The following DGKH variants were observed in gnomAD, a reference collection of about 807,000 sequenced individuals.
The protein encoded by DGKH is DAG kinase eta.
A neutral mutation model predicts 159.3 loss-of-function variants in DGKH; 90 were observed. That is an observed-to-expected ratio of 0.57 (90% CI 0.48 to 0.67). DGKH has a LOEUF of 0.67. Among genes scored for constraint, DGKH ranks in the 30% least tolerant of loss-of-function variants. DGKH has a pLI of 0.00. For missense variants in DGKH, 1,181 were observed against 1,506.1 expected, an observed-to-expected ratio of 0.78 and a Z score of 3.57; for synonymous variants, 536 against 553.8, an observed-to-expected ratio of 0.97 and a Z score of 0.45.
intron 1 of DGKH, among the ~76,000 whole-genome samples, chr13:42,077,192 G>A (rs566913540): frequency 6.6e-6 from 1 of 152,228 alleles, no homozygotes; most frequent in South Asian, 2.1e-4. Flanking sequence ...AGACTGGATA[G>A]TGTATAAAAA....
Position 42,219,640 on chromosome 13 carries a change from C to T in DGKH, c.3334-46C>T, listed in dbSNP as rs1416976145. On this transcript the variant is annotated intron_variant, in intron 27 of 29. Transcript: ENST00000337343. ...CCCTATTATCAGAGTAGGTTTTTCT[C>T]CTTTTCATATCCTGAAAAAATTATT... is the stretch of plus-strand genomic sequence containing the variant. 6.1e-6 allele frequency: 9 copies of T among 1,483,676 alleles called. No individual in the cohort carries two copies. In the South Asian group the frequency reaches 1.1e-4, roughly 18 times the overall value. 91.9% of individuals were successfully genotyped at this position (1,483,676 alleles called of 1,614,324 possible).
At chr13:42,091,480 A>C (rs918264556) in intron 1 of DGKH, among the ~76,000 whole-genome samples, 1 of 152,204 alleles carries the variant, frequency 6.6e-6, no homozygotes. Context: ...CAAACAACCC[A>C]ATTAAAAAAA....
At position 42,236,333 on chromosome 13, in the gene DGKH, A is replaced by G. The variant is rs189431386; in HGVS notation, c.*7145A>G. The G allele has an allele frequency of 6.6e-6, 1 of 152,334 alleles. No individual in the cohort carries two copies. Among genetic ancestry groups the G allele is most frequent in the Non-Finnish European group, 1.5e-5 (1 of 68,022 alleles). The allele number at this position is 152,334 out of a possible 1,614,324, so 9.4% of individuals were successfully genotyped here. A position where few individuals can be genotyped will look rare whatever the true frequency, so the allele number is the denominator to read the frequency against. ...CTCATTTCTGTCAAACAGATGCCCA[A>G]CTATTTTCCTTTTAAAAAACTGTAT... On this transcript the variant is annotated 3_prime_UTR_variant, in exon 30 of 30. Coordinates refer to ENST00000337343, the MANE Select transcript of DGKH (RefSeq NM_178009.5).
intron 3 of DGKH, among the ~76,000 whole-genome samples, chr13:42,142,725 G>A (rs1955600712): frequency 6.6e-6 from 1 of 152,134 alleles, no homozygotes; most frequent in Admixed American, 6.5e-5. Flanking sequence ...AAGAATGCTT[G>A]TGATTTTTGC....
At chr13:42,068,993 T>C (rs1882777678) in intron 1 of DGKH, 5 of 1,477,826 alleles carry the variant, frequency 3.4e-6, no homozygotes, top group South Asian at 2.3e-5. Flanking sequence ...GAAGATTTCA[T>C]AGCAGAAGCT....
At chr13:42,191,873 T>A (rs1434107904) in intron 16 of DGKH, among the ~76,000 whole-genome samples, 3 of 152,140 alleles carry the variant, frequency 2.0e-5, no homozygotes, top group Non-Finnish European at 2.9e-5. Flanking sequence ...TCTCAAAAAA[T>A]TTTAAAAAAT....
rs1013730041 is a variant in DGKH at position 42,237,221 on chromosome 13, A to C, written c.*8033A>C. 3.9e-5 allele frequency: 6 copies of C among 152,340 alleles called. No homozygotes were observed. The highest frequency in any genetic ancestry group is 1.4e-4 in the African/African-American group (6 of 41,582). 9.4% of individuals were successfully genotyped at this position (152,340 alleles called of 1,614,324 possible). ...AATGTGAAGCAGGGGTTTACCAAAG[A>C]AAATTGCTTTAATAAGCCCTAACTT... On this transcript the variant is annotated 3_prime_UTR_variant, in exon 30 of 30. Coordinates refer to ENST00000337343, the MANE Select transcript of DGKH (RefSeq NM_178009.5).
chr13:42,246,677 C>A (rs868474924), downstream of DGKH, among the ~76,000 whole-genome samples: 30 of 152,034 alleles, frequency 2.0e-4, no homozygotes, highest in African/African-American at 7.0e-4. Flanking sequence ...AAAGGCAGCA[C>A]AAGAATACAG....
chr13:42,215,547 A>T, intron 25 of DGKH, 28 bp from the exon 26 acceptor site: 1 of 1,533,182 alleles, frequency 6.5e-7, no homozygotes, highest in Non-Finnish European at 9.0e-7. Flanking sequence ...AATACAGATC[A>T]CATGTCTTTG....
intron 3 of DGKH, among the ~76,000 whole-genome samples, chr13:42,136,091 G>C (rs1291963354): frequency 6.6e-6 from 1 of 152,170 alleles, no homozygotes; most frequent in Non-Finnish European, 1.5e-5. Context: ...AGAATAACAA[G>C]AGTACCTACC....
intron 3 of DGKH, among the ~76,000 whole-genome samples, chr13:42,136,277 A>G (rs1955401451): frequency 6.6e-6 from 1 of 152,230 alleles, no homozygotes; most frequent in African/African-American, 2.4e-5. Context: ...CTTTATCTTG[A>G]GAAAACATTC....
downstream of DGKH, among the ~76,000 whole-genome samples, chr13:42,243,455 G>T (rs551203957): frequency 2.0e-5 from 3 of 152,122 alleles, no homozygotes; most frequent in South Asian, 4.1e-4. Context: ...AAAACCACTC[G>T]TTAAAAGTCC....
intron 24 of DGKH, 114 bp from the exon 25 acceptor site, chr13:42,214,393 C>T: frequency 1.1e-6 from 1 of 938,236 alleles, no homozygotes; most frequent in Non-Finnish European, 1.6e-6. Context: ...AGTGTTCTTC[C>T]ATACTGATCT....
At chr13:42,166,774 C>A in intron 9 of DGKH, 100 bp downstream of exon 9, 3 of 1,030,534 alleles carry the variant, frequency 2.9e-6, no homozygotes, top group East Asian at 2.9e-5. Context: ...TCCTCTAGAT[C>A]CCTCCCTCGT....
chr13:42,101,005 C>T (rs138723606), intron 1 of DGKH, among the ~76,000 whole-genome samples: 277 of 152,304 alleles, frequency 1.8e-3, no homozygotes, highest in Non-Finnish European at 2.8e-3. Context: ...ATTTTACTCC[C>T]ATAACTCTCC....
rs1249872404 is a variant in DGKH at position 42,241,823 on chromosome 13, T to C, written c.*12635T>C. 5 of 152,200 alleles carry C rather than the reference T, an allele frequency of 3.3e-5. No individual in the cohort carries two copies. The highest frequency in any genetic ancestry group is 3.3e-4 in the Admixed American group (5 of 15,278). 9.4% of individuals were successfully genotyped at this position (152,200 alleles called of 1,614,324 possible). A position where few individuals can be genotyped will look rare whatever the true frequency, so the allele number is the denominator to read the frequency against. On this transcript the variant is annotated 3_prime_UTR_variant, in exon 30 of 30. Transcript: ENST00000337343. ...TTGTGTGCCATGAGGCACTAATACA[T>C]AGGTGAAACAAAAATATTTTTAGTT... is the stretch of plus-strand genomic sequence containing the variant.
intron 1 of DGKH, among the ~76,000 whole-genome samples, chr13:42,103,382 A>G (rs1954687698): frequency 6.6e-6 from 1 of 152,182 alleles, no homozygotes; most frequent in East Asian, 1.9e-4. Flanking sequence ...TCTACATTAT[A>G]TGAGGACTCT....
At chr13:42,079,435 T>G (rs1954159910) in intron 1 of DGKH, among the ~76,000 whole-genome samples, 1 of 152,026 alleles carries the variant, frequency 6.6e-6, no homozygotes. Flanking sequence ...ACTAACCAAT[T>G]TCTCATCATC....
intron 1 of DGKH, chr13:42,069,628 T>G (rs1365471163): frequency 2.1e-6 from 3 of 1,413,870 alleles, no homozygotes; most frequent in African/African-American, 2.9e-5. Flanking sequence ...TTTTCTTTTC[T>G]TATCAGATTT....
Sources: allele counts gnomAD v4.1 joint callset (sites outside exome capture counted in the v4.1 genomes callset), GRCh38; gene constraint gnomAD v4.1.1; transcripts MANE v1.5; gene names NCBI Gene and HGNC (gene_info 2026-07-23, HGNC 2026-07-21).